The following TPST1 variants were observed in gnomAD, a reference collection of about 807,000 sequenced individuals.
TPST1 encodes the protein tyrosylprotein sulfotransferase 1.
A neutral mutation model predicts 34.8 loss-of-function variants in TPST1; 20 were observed. That is an observed-to-expected ratio of 0.57 (90% CI 0.40 to 0.84). The LOEUF (loss-of-function observed/expected upper bound fraction) is 0.84, where lower values mean the gene tolerates loss of function less well. Among genes scored for constraint, TPST1 ranks in the 40% least tolerant of loss-of-function variants. The pLI, the probability that TPST1 is intolerant of heterozygous loss-of-function variation, is 0.00. For missense variants in TPST1, 353 were observed against 455.5 expected, an observed-to-expected ratio of 0.78 and a Z score of 2.05; for synonymous variants, 152 against 159.4, an observed-to-expected ratio of 0.95 and a Z score of 0.35.
At chr7:66,313,264 A>T (rs1178538069) in intron 3 of TPST1, among the ~76,000 whole-genome samples, 1 of 152,034 alleles carries the variant, frequency 6.6e-6, no homozygotes, top group Middle Eastern at 3.4e-3. Flanking sequence ...AAATACAAAA[A>T]ATTAGCTGGG....
chr7:66,222,448 T>G (rs13438239), intron 1 of TPST1, among the ~76,000 whole-genome samples: 1 of 152,176 alleles, frequency 6.6e-6, no homozygotes. Context: ...CTGCTGCATA[T>G]TAAATAATGA....
intron 2 of TPST1, among the ~76,000 whole-genome samples, chr7:66,262,990 C>T (rs1382148596): frequency 6.6e-6 from 1 of 151,966 alleles, no homozygotes; most frequent in Non-Finnish European, 1.5e-5. Flanking sequence ...GTCCCAGCTA[C>T]TGGGGAGGCT....
chr7:66,355,283 C>G (rs1792559751), intron 4 of TPST1, among the ~76,000 whole-genome samples: 1 of 149,680 alleles, frequency 6.7e-6, no homozygotes, highest in Non-Finnish European at 1.5e-5. Context: ...ACCAGCCTGG[C>G]CAACATAGTG....
intron 3 of TPST1, among the ~76,000 whole-genome samples, chr7:66,350,313 C>A (rs1392365998): frequency 6.6e-6 from 1 of 152,182 alleles, no homozygotes; most frequent in Non-Finnish European, 1.5e-5. Flanking sequence ...CCGCGCCCAG[C>A]CGAACAAATG....
intron 1 of TPST1, among the ~76,000 whole-genome samples, chr7:66,208,262 CA>C (rs1789172719): frequency 6.6e-6 from 1 of 152,166 alleles, no homozygotes; most frequent in East Asian, 1.9e-4. Context: ...ACAGACCATT[CA>C]CTACCGTAAA....
At chr7:66,352,272 G>A (rs1792494918) in intron 3 of TPST1, among the ~76,000 whole-genome samples, 1 of 152,178 alleles carries the variant, frequency 6.6e-6, no homozygotes, top group Non-Finnish European at 1.5e-5. Context: ...CCCTCTCCTA[G>A]CCAGCCCACA....
At chr7:66,204,615 T>C (rs1015446462), upstream of TPST1, among the ~76,000 whole-genome samples, 1 of 152,234 alleles carries the variant, frequency 6.6e-6, no homozygotes, top group African/African-American at 2.4e-5. Context: ...CAGAACCTGG[T>C]GTAGATGTGT....
chr7:66,224,436 A>C (rs1668101408), intron 1 of TPST1, among the ~76,000 whole-genome samples: 2 of 152,252 alleles, frequency 1.3e-5, no homozygotes, highest in Non-Finnish European at 1.5e-5. Flanking sequence ...GGAACTAGTG[A>C]TTAACAAAGG....
At chr7:66,225,799 A>G (rs1343338178) in intron 1 of TPST1, among the ~76,000 whole-genome samples, 6 of 152,236 alleles carry the variant, frequency 3.9e-5, no homozygotes, top group Non-Finnish European at 1.5e-5. Flanking sequence ...AAGAATTAGT[A>G]TGAAGGTGTG....
At chr7:66,214,803 T>TA (rs1004589174) in intron 1 of TPST1, among the ~76,000 whole-genome samples, 22 of 147,200 alleles carry the variant, frequency 1.5e-4, no homozygotes, top group East Asian at 3.9e-4. Context: ...AGACCCTGCC[T>TA]AAAAAAAAAG....
At chr7:66,296,576 C>T (rs751366841) in intron 3 of TPST1, among the ~76,000 whole-genome samples, 14 of 150,166 alleles carry the variant, frequency 9.3e-5, no homozygotes, top group Non-Finnish European at 1.6e-4. Context: ...AGGTGGCTGG[C>T]GAAGGTGTTT....
intron 3 of TPST1, among the ~76,000 whole-genome samples, chr7:66,306,469 T>G (rs751373589): frequency 6.6e-6 from 1 of 152,174 alleles, no homozygotes; most frequent in Non-Finnish European, 1.5e-5. Context: ...CTCCCTGTCT[T>G]TCTTTGGCTC....
Position 66,240,792 on chromosome 7 carries a change from C to T in TPST1, c.367C>T (p.Arg123Cys), listed in dbSNP as rs377712883. Residue 123 changes from arginine to cysteine, a missense_variant, in exon 2 of 6, where the codon CGC becomes TGC. Transcript: ENST00000304842. Reference protein sequence around the residue: ...MWSRSSKEKIRLDEAGVTDEV... With the variant: ...MWSRSSKEKICLDEAGVTDEV... ...GTCACGGTCAAGTAAAGAGAAGATC[C>T]GCCTGGATGAGGCTGGTGTTACTGA... 1.2e-5 allele frequency: 19 copies of T among 1,614,050 alleles called. No homozygotes were observed. The highest frequency in any genetic ancestry group is 3.3e-5 in the Admixed American group (2 of 59,988).
chr7:66,323,978 T>C (rs572144253), intron 3 of TPST1, among the ~76,000 whole-genome samples: 19 of 152,238 alleles, frequency 1.2e-4, no homozygotes, highest in South Asian at 4.1e-4. Context: ...AGTCAGAAGG[T>C]GGAAACAACC....
chr7:66,271,885 C>T (rs73144226), intron 2 of TPST1, among the ~76,000 whole-genome samples: 5,496 of 151,694 alleles, frequency 0.036, 139 homozygotes, highest in Non-Finnish European at 0.055. Context: ...AAAGAGAATA[C>T]GCAACAGATT....
At chr7:66,284,551 C>CTTTTT (rs5884585) in intron 2 of TPST1, among the ~76,000 whole-genome samples, 2 of 77,058 alleles carry the variant, frequency 2.6e-5, no homozygotes, top group Non-Finnish European at 2.5e-5. Flanking sequence ...ACTGTCTTAG[C>CTTTTT]TTTTTTTTTT....
chr7:66,336,336 C>CAGA (rs1466164075), intron 3 of TPST1, among the ~76,000 whole-genome samples: 1 of 151,250 alleles, frequency 6.6e-6, no homozygotes, highest in African/African-American at 2.4e-5. Flanking sequence ...TTCAGGGAAT[C>CAGA]ACAAGAAAAT....
chr7:66,212,346 C>T (rs1456906485), intron 1 of TPST1, among the ~76,000 whole-genome samples: 3 of 152,086 alleles, frequency 2.0e-5, no homozygotes, highest in Non-Finnish European at 4.4e-5. Flanking sequence ...AAATGAATCT[C>T]ACTGGGATTG....
intron 2 of TPST1, among the ~76,000 whole-genome samples, chr7:66,255,631 A>C (rs1338119310): frequency 2.0e-5 from 3 of 152,194 alleles, no homozygotes; most frequent in South Asian, 2.1e-4. Context: ...CAGAATACCC[A>C]AAAAATCCTT....
Sources: allele counts gnomAD v4.1 joint callset (sites outside exome capture counted in the v4.1 genomes callset), GRCh38; gene constraint gnomAD v4.1.1; transcripts MANE v1.5; gene names NCBI Gene and HGNC (gene_info 2026-07-23, HGNC 2026-07-21).